The following DDX4 variants were observed in gnomAD, a reference collection of about 807,000 sequenced individuals.
The protein encoded by DDX4 is DEAD-box helicase 4, also known as probable ATP-dependent RNA helicase DDX4.
DDX4 carries 25 observed loss-of-function variants against 100.0 expected under a neutral mutation model. The observed-to-expected ratio is 0.25, with a 90% CI of 0.18 to 0.35. The LOEUF is 0.35. DDX4 is among the 10% of genes least tolerant of loss of function. The pLI is 1.00. For missense variants in DDX4, 635 were observed against 882.4 expected, an observed-to-expected ratio of 0.72 and a Z score of 3.55; for synonymous variants, 259 against 275.7, an observed-to-expected ratio of 0.94 and a Z score of 0.60.
intron 2 of DDX4, among the ~76,000 whole-genome samples, chr5:55,744,503 A>G (rs1021329040): frequency 6.6e-6 from 1 of 152,220 alleles, no homozygotes; most frequent in African/African-American, 2.4e-5. Context: ...AAATTACTCA[A>G]ATTGTCATTA....
intron 18 of DDX4, among the ~76,000 whole-genome samples, chr5:55,812,381 G>A (rs947473242): frequency 6.6e-6 from 1 of 152,170 alleles, no homozygotes; most frequent in African/African-American, 2.4e-5. Context: ...CTAACACGGT[G>A]AAACCCCGTC....
chr5:55,774,212 C>G (rs1486611664), intron 7 of DDX4, among the ~76,000 whole-genome samples: 1 of 151,236 alleles, frequency 6.6e-6, no homozygotes, highest in Non-Finnish European at 1.5e-5. Context: ...GGTGCAGTGG[C>G]ACAGTCATGG....
chr5:55,803,776 T>G (rs867225678), intron 18 of DDX4, among the ~76,000 whole-genome samples: 6 of 152,022 alleles, frequency 3.9e-5, no homozygotes, highest in East Asian at 1.9e-4. Context: ...GAATAGTGCC[T>G]CAATAAACAT....
At chr5:55,744,394 G>A (rs1024610596) in intron 2 of DDX4, among the ~76,000 whole-genome samples, 4 of 152,060 alleles carry the variant, frequency 2.6e-5, no homozygotes, top group African/African-American at 9.7e-5. Context: ...TTTCAGAGCC[G>A]TATTCTGAAC....
intron 3 of DDX4, among the ~76,000 whole-genome samples, chr5:55,752,656 G>A (rs1463988461): frequency 2.7e-5 from 4 of 147,492 alleles, no homozygotes; most frequent in African/African-American, 1.0e-4. Context: ...GTGTGCATGT[G>A]TCTTTATAGC....
At chr5:55,816,363 CTT>C (rs1744417745) in intron 21 of DDX4, 98 bp from the exon 22 acceptor site, 1 of 1,473,790 alleles carries the variant, frequency 6.8e-7, no homozygotes, top group African/African-American at 1.4e-5. Flanking sequence ...ATGGTAGATA[CTT>C]TGAGTCCTTG....
chr5:55,756,333 ATGCACATTACTGT>A (rs1417677417), intron 3 of DDX4, among the ~76,000 whole-genome samples: 1 of 152,156 alleles, frequency 6.6e-6, no homozygotes, highest in African/African-American at 2.4e-5. Context: ...GGTAATTTGT[ATGCACATTACTGT>A]TACACTCTGA....
intron 18 of DDX4, among the ~76,000 whole-genome samples, chr5:55,801,556 C>G (rs933017901): frequency 6.6e-6 from 1 of 152,052 alleles, no homozygotes; most frequent in African/African-American, 2.4e-5. Flanking sequence ...TTTTTGCTTA[C>G]TTCAAATTCT....
At chr5:55,798,349 C>A in intron 17 of DDX4, 77 bp from the exon 18 acceptor site, 2 of 1,460,942 alleles carry the variant, frequency 1.4e-6, no homozygotes, top group Non-Finnish European at 1.9e-6. Flanking sequence ...TGAGATAACA[C>A]CTACAGGAAT....
At chr5:55,759,612 C>T (rs1199182273) in intron 3 of DDX4, among the ~76,000 whole-genome samples, 2 of 152,240 alleles carry the variant, frequency 1.3e-5, no homozygotes, top group Non-Finnish European at 2.9e-5. Context: ...AATCCTTGTG[C>T]ATACTATTGT....
At chr5:55,790,550 A>G in intron 15 of DDX4, 26 bp from the exon 16 acceptor site, 1 of 1,497,786 alleles carries the variant, frequency 6.7e-7, no homozygotes. Flanking sequence ...TAACTAGAAA[A>G]TAACATTTAG....
chr5:55,809,927 A>G (rs1744016005), intron 18 of DDX4, among the ~76,000 whole-genome samples: 2 of 152,224 alleles, frequency 1.3e-5, no homozygotes, highest in African/African-American at 4.8e-5. Flanking sequence ...GGGAAACTCT[A>G]TAGAATTACT....
At chr5:55,814,199 G>T (rs146292934) in intron 19 of DDX4, among the ~76,000 whole-genome samples, 1 of 152,132 alleles carries the variant, frequency 6.6e-6, no homozygotes, top group East Asian at 1.9e-4. Flanking sequence ...AAAATATCAC[G>T]TAGTATATAG....
In DDX4 at chr5:55,790,967, G is replaced by C. The variant is rs914871183; in HGVS notation, c.1302+262G>C. Among the ~76,000 whole-genome samples, 5 of 152,126 alleles carry C rather than the reference G, an allele frequency of 3.3e-5. No homozygotes were observed. The South Asian group carries it at 1.0e-3, about 32-fold the overall frequency. ...CCCTGAGTTAGCTCTAGTAAGTATA[G>C]AGCTAATGTTAGAATCTGGGTCTGA... On this transcript the variant is annotated intron_variant, in intron 16 of 21. Transcript: ENST00000505374.
intron 3 of DDX4, among the ~76,000 whole-genome samples, chr5:55,753,464 C>T (rs1291197506): frequency 6.6e-6 from 1 of 152,122 alleles, no homozygotes; most frequent in African/African-American, 2.4e-5. Context: ...TCAGGTTTGT[C>T]AAAGATCAGA....
intron 18 of DDX4, among the ~76,000 whole-genome samples, chr5:55,807,007 T>C (rs987284974): frequency 3.3e-5 from 5 of 152,246 alleles, no homozygotes; most frequent in Non-Finnish European, 7.3e-5. Context: ...TGGGTGCTCC[T>C]GTATTGGGTG....
chr5:55,738,597 G>GA (rs1758819807), intron 1 of DDX4, among the ~76,000 whole-genome samples: 1 of 152,058 alleles, frequency 6.6e-6, no homozygotes, highest in South Asian at 2.1e-4. Context: ...AGTAGTTTCT[G>GA]AAAAAAGTTG....
In DDX4 at chr5:55,779,956, C is replaced by T; in HGVS notation, c.395-8C>T. 1 of 1,612,568 alleles carries T rather than the reference C, an allele frequency of 6.2e-7. No individual in the cohort carries two copies. Among genetic ancestry groups the T allele is most frequent in the Non-Finnish European group, 8.5e-7 (1 of 1,179,356 alleles). On this transcript the variant is annotated splice_region_variant and splice_polypyrimidine_tract_variant and intron_variant, in intron 7 of 21. Transcript: ENST00000505374. ...TGTGTTGTTCTTGTGTGTGTTTTAA[C>T]ATTATAGGCTATCGAGATGGAAATA...
At chr5:55,786,469 C>T in intron 13 of DDX4, 49 bp from the exon 14 acceptor site, 1 of 1,396,296 alleles carries the variant, frequency 7.2e-7, no homozygotes, top group Non-Finnish European at 1.0e-6. Flanking sequence ...TATAAATGAT[C>T]TGCATATGAT....
Sources: allele counts gnomAD v4.1 joint callset (sites outside exome capture counted in the v4.1 genomes callset), GRCh38; gene constraint gnomAD v4.1.1; transcripts MANE v1.5; gene names NCBI Gene and HGNC (gene_info 2026-07-23, HGNC 2026-07-21).